FBXL17: variants seen among roughly 807,000 people sequenced by gnomAD.
The protein encoded by FBXL17 is F-box/LRR-repeat protein 17.
Under a neutral mutation model 66.2 loss-of-function variants are expected in FBXL17, and 22 were observed. That is an observed-to-expected ratio of 0.33 (90% CI 0.24 to 0.47). FBXL17 has a LOEUF of 0.47. Among genes scored for constraint, FBXL17 ranks in the 20% least tolerant of loss-of-function variants. The pLI is 1.00. For missense variants in FBXL17, 878 were observed against 948.2 expected (o/e 0.93, Z 0.97); for synonymous variants, 474 against 400.5 (o/e 1.18, Z -2.19).
chr5:108,219,039 A>T (rs1346743544), intron 5 of FBXL17, among the ~76,000 whole-genome samples: 1 of 152,218 alleles, frequency 6.6e-6, no homozygotes, highest in East Asian at 1.9e-4. Context: ...ACTGTTAGAC[A>T]TGATTTTCCA....
Position 107,859,390 on chromosome 5 carries a change from GTTTTTTTTTT to G in FBXL17, c.*2320_*2329del, listed in dbSNP as rs549840338. The G allele has an allele frequency of 1.7e-4, 10 of 60,184 alleles. No homozygotes were observed. In the South Asian group the frequency reaches 6.2e-3, roughly 37 times the overall value. 3.7% of individuals were successfully genotyped at this position (60,184 alleles called of 1,614,324 possible). A position where few individuals can be genotyped will look rare whatever the true frequency, so the allele number is the denominator to read the frequency against. On this transcript the variant is annotated 3_prime_UTR_variant, in exon 9 of 9. Transcript: ENST00000542267. ...CTCAAGGTGATGCTTTTTTCTGGCT[GTTTTTTTTTT>G]TTTTTTTTTTTTTTTTTGAGATTAA...
intron 4 of FBXL17, among the ~76,000 whole-genome samples, chr5:108,336,508 G>C (rs1233032490): frequency 2.0e-5 from 3 of 152,046 alleles, no homozygotes; most frequent in African/African-American, 7.2e-5. Context: ...GAAACAGAAG[G>C]ATGAAATACT....
intron 6 of FBXL17, among the ~76,000 whole-genome samples, chr5:108,166,146 GGAAA>G (rs1385527050): frequency 6.6e-5 from 10 of 152,158 alleles, no homozygotes; most frequent in African/African-American, 2.2e-4. Flanking sequence ...AAATATCTCA[GGAAA>G]GAGTCAAGTG....
At position 107,981,765 on chromosome 5, in the gene FBXL17, G is replaced by C. The variant is rs577125693; in HGVS notation, c.1822+39160C>G. ...TATTCTTGCCAGCATGCGGAGGGGA[G>C]AAAAACCAATGAACAAACACAGTAA... On this transcript the variant is annotated intron_variant, in intron 7 of 8. Transcript: ENST00000542267. 1.2e-4 allele frequency among the ~76,000 whole-genome samples: 18 copies of C among 152,268 alleles called. No individual in the cohort carries two copies. The East Asian group carries it at 3.5e-3, about 29-fold the overall frequency.
In FBXL17 at chr5:108,365,966, T is replaced by G. The variant is rs981195286; in HGVS notation, c.1117-971A>C. 4.9e-4 allele frequency among the ~76,000 whole-genome samples: 75 copies of G among 152,204 alleles called. 2 individuals carry two copies. Among genetic ancestry groups the G allele is most frequent in the African/African-American group, 1.8e-3 (74 of 41,540 alleles). Reference sequence around the variant, plus strand: ...ACCACAAATAAAACTATACTGAGATTTTCAATGTTTCACTTTCCATTTGTA... The same window carrying G: ...ACCACAAATAAAACTATACTGAGATGTTCAATGTTTCACTTTCCATTTGTA... On this transcript the variant is annotated intron_variant, in intron 2 of 8. Transcript: ENST00000542267.
At chr5:108,050,519 GA>G (rs996032135) in intron 6 of FBXL17, among the ~76,000 whole-genome samples, 35 of 151,628 alleles carry the variant, frequency 2.3e-4, no homozygotes, top group African/African-American at 8.2e-4. Context: ...AAACCAATGA[GA>G]AAAAAGAGAA....
intron 7 of FBXL17, among the ~76,000 whole-genome samples, chr5:107,987,594 C>G (rs922429518): frequency 1.9e-4 from 29 of 151,888 alleles, no homozygotes; most frequent in African/African-American, 7.0e-4. Flanking sequence ...TGGCATGAGC[C>G]CTGCTCATGC....
At chr5:108,137,572 G>A (rs1751187159) in intron 6 of FBXL17, among the ~76,000 whole-genome samples, 1 of 152,096 alleles carries the variant, frequency 6.6e-6, no homozygotes, top group Non-Finnish European at 1.5e-5. Flanking sequence ...ACTGCACACT[G>A]ATGAGATTAT....
intron 6 of FBXL17, among the ~76,000 whole-genome samples, chr5:108,059,507 C>A (rs1319603418): frequency 6.6e-6 from 1 of 152,212 alleles, no homozygotes; most frequent in Non-Finnish European, 1.5e-5. Context: ...GGCAACCCAT[C>A]TTGCACAACC....
chr5:108,104,828 T>C (rs1049419515), intron 6 of FBXL17, among the ~76,000 whole-genome samples: 5 of 152,136 alleles, frequency 3.3e-5, no homozygotes, highest in African/African-American at 4.8e-5. Context: ...TACACAATTA[T>C]GTTTTTTGTT....
At chr5:107,905,266 A>C (rs1427703094) in intron 7 of FBXL17, among the ~76,000 whole-genome samples, 1 of 152,138 alleles carries the variant, frequency 6.6e-6, no homozygotes, top group Non-Finnish European at 1.5e-5. Context: ...ACACAAAACC[A>C]ATTCCTCTTT....
intron 7 of FBXL17, among the ~76,000 whole-genome samples, chr5:107,915,099 T>G (rs1340077117): frequency 1.3e-5 from 2 of 152,172 alleles, no homozygotes; most frequent in African/African-American, 4.8e-5. Flanking sequence ...TTACTATAAT[T>G]GCAATTTTAA....
At chr5:107,933,561 C>G (rs1750801269) in intron 7 of FBXL17, among the ~76,000 whole-genome samples, 1 of 152,096 alleles carries the variant, frequency 6.6e-6, no homozygotes, top group Non-Finnish European at 1.5e-5. Context: ...TTCAAACATG[C>G]AAGGAATTTA....
chr5:108,096,715 G>A (rs1749382528), intron 6 of FBXL17, among the ~76,000 whole-genome samples: 1 of 152,194 alleles, frequency 6.6e-6, no homozygotes, highest in African/African-American at 2.4e-5. Context: ...TGGATGGCCA[G>A]TGAGTATGGA....
intron 6 of FBXL17, among the ~76,000 whole-genome samples, chr5:108,144,853 T>G (rs953592336): frequency 3.3e-5 from 5 of 152,136 alleles, no homozygotes; most frequent in Non-Finnish European, 7.4e-5. Context: ...ACTCTGAATC[T>G]CCATATAAAT....
chr5:108,106,605 A>G (rs992381750), intron 6 of FBXL17, among the ~76,000 whole-genome samples: 5 of 152,270 alleles, frequency 3.3e-5, no homozygotes, highest in African/African-American at 7.2e-5. Flanking sequence ...ATGGAAGAAC[A>G]CTGAAAACAT....
intron 5 of FBXL17, among the ~76,000 whole-genome samples, chr5:108,222,713 GC>G (rs1754922023): frequency 7.8e-6 from 1 of 128,536 alleles, no homozygotes; most frequent in Non-Finnish European, 1.5e-5. Flanking sequence ...CTCATCTGTC[GC>G]CCGGGCTGGA....
chr5:108,355,252 A>G (rs1747903296), intron 3 of FBXL17, among the ~76,000 whole-genome samples: 1 of 148,510 alleles, frequency 6.7e-6, no homozygotes, highest in Non-Finnish European at 1.5e-5. Context: ...AATATAAGGG[A>G]TGAAAAACTT....
At position 107,924,971 on chromosome 5, in the gene FBXL17, A is replaced by T. The variant is rs372028385; in HGVS notation, c.1823-43792T>A. Among the ~76,000 whole-genome samples, 10 of 152,362 alleles carry T rather than the reference A, an allele frequency of 6.6e-5. No homozygotes were observed. In the East Asian group the frequency reaches 1.5e-3, roughly 24 times the overall value. On this transcript the variant is annotated intron_variant, in intron 7 of 8. Transcript: ENST00000542267. ...ATTGCTTTTGACCCTGTCAAGTGGAACCTCAAGGACAAAGATTTTTATCAT... is the reference window on the plus strand; with the variant it reads ...ATTGCTTTTGACCCTGTCAAGTGGATCCTCAAGGACAAAGATTTTTATCAT...
Sources: allele counts gnomAD v4.1 joint callset (sites outside exome capture counted in the v4.1 genomes callset), GRCh38; gene constraint gnomAD v4.1.1; transcripts MANE v1.5; gene names NCBI Gene and HGNC (gene_info 2026-07-23, HGNC 2026-07-21).